Variants in DNM1 observed in about 807,000 individuals in gnomAD.
DNM1 encodes the protein dynamin-1.
DNM1 carries 29 observed loss-of-function variants against 104.6 expected under a neutral mutation model. The ratio of observed to expected loss-of-function variants is 0.28; its 90% confidence interval spans 0.21 to 0.38. DNM1 has a LOEUF of 0.38. Among genes scored for constraint, DNM1 ranks in the 10% least tolerant of loss-of-function variants. The pLI is 1.00. For missense variants in DNM1, 640 were observed against 1,189.4 expected, an observed-to-expected ratio of 0.54 and a Z score of 6.79; for synonymous variants, 445 against 475.8, an observed-to-expected ratio of 0.94 and a Z score of 0.84.
intron 10 of DNM1, among the ~76,000 whole-genome samples, chr9:128,227,375 CTTTTTTTTTTTTTTTT>C: frequency 2.0e-5 from 1 of 50,454 alleles, no homozygotes; most frequent in Non-Finnish European, 3.3e-5. Flanking sequence ...GGTCTCATGC[CTTTTTTTTTTTTTTTT>C]TTTTTTTTTT....
rs191745489 is a variant in DNM1 at position 128,228,350 on chromosome 9, T to A, written c.1335+3961T>A. Among the ~76,000 whole-genome samples the A allele has an allele frequency of 3.7e-3, 569 of 152,194 alleles. 3 individuals carry two copies. Among genetic ancestry groups the A allele is most frequent in the Middle Eastern group, 0.01 (3 of 294 alleles). On this transcript the variant is annotated intron_variant, in intron 10 of 21. Transcript: ENST00000372923. The stretch of plus-strand genomic sequence containing the variant: ...GAGCCACCCCTCCTGGCCTAATAAT[T>A]TTTTTGTTAAGACAGGATCTTACTA...
chr9:128,223,057 G>A (rs1320939069), intron 9 of DNM1, 197 bp downstream of exon 9: 1 of 598,352 alleles, frequency 1.7e-6, no homozygotes, highest in Admixed American at 3.0e-5. Flanking sequence ...CCCGCCTACT[G>A]CAACTTGCTG....
rs570377622 is a variant in DNM1, at chr9:128,247,894, G to T, written c.1894-30G>T. ...GGCTGTGCTCCCTGGTGGTGGCGGC[G>T]GTGGCAATGTTGGTGTGTGGGCCTC... On this transcript the variant is annotated intron_variant, in intron 17 of 21. Coordinates refer to ENST00000372923, the MANE Select transcript of DNM1 (RefSeq NM_004408.4). This position sits in a 1 kb window ranked among gnomAD's most constrained non-coding sequence, Gnocchi z 5.1. 30 of 1,611,750 alleles carry T rather than the reference G, an allele frequency of 1.9e-5. No homozygotes were observed. The East Asian group carries it at 6.0e-4, about 32-fold the overall frequency.
chr9:128,214,393 G>T (rs1391414356), intron 1 of DNM1, among the ~76,000 whole-genome samples: 1 of 152,142 alleles, frequency 6.6e-6, no homozygotes, highest in Non-Finnish European at 1.5e-5. Flanking sequence ...ATTCAATGTG[G>T]GGTCCATCTG....
chr9:128,236,719 G>T (rs978980104), intron 11 of DNM1, among the ~76,000 whole-genome samples: 3 of 152,170 alleles, frequency 2.0e-5, no homozygotes, highest in Non-Finnish European at 2.9e-5. Context: ...AGGTGAGGCG[G>T]CATGCACCTG....
intron 10 of DNM1, among the ~76,000 whole-genome samples, chr9:128,228,382 C>G (rs982745390): frequency 6.6e-6 from 1 of 151,918 alleles, no homozygotes; most frequent in Non-Finnish European, 1.5e-5. Context: ...ACTATGTTGC[C>G]CAGGCTGCTC....
intron 20 of DNM1, 91 bp from the exon 21 acceptor site, chr9:128,250,634 G>A: frequency 2.6e-6 from 3 of 1,170,000 alleles, no homozygotes; most frequent in Non-Finnish European, 3.4e-6. Flanking sequence ...GCGTGCATGG[G>A]CGTGGCCAGC....
rs777070447 is a variant in DNM1 at position 128,253,089 on chromosome 9, GCTGT to G, written c.2535-1562_2535-1559del. On this transcript the variant is annotated intron_variant, in intron 21 of 21. Coordinates refer to ENST00000372923, the MANE Select transcript of DNM1 (RefSeq NM_004408.4). This position sits in a 1 kb window ranked among gnomAD's most constrained non-coding sequence, Gnocchi z 5.9. Reference sequence around the variant, plus strand: ...GTGTGAACTGCCATGTTGATTTCGTGCTGTCTTTCAGAATCACTATCAGTGACCC... The same window carrying G: ...GTGTGAACTGCCATGTTGATTTCGTGCTTTCAGAATCACTATCAGTGACCC... 1 of 1,611,118 alleles carries G rather than the reference GCTGT, an allele frequency of 6.2e-7. No individual in the cohort carries two copies. Among genetic ancestry groups the G allele is most frequent in the Non-Finnish European group, 8.5e-7 (1 of 1,179,950 alleles).
At chr9:128,226,149 C>A (rs1245833990) in intron 10 of DNM1, 2 of 1,612,846 alleles carry the variant, frequency 1.2e-6, no homozygotes, top group Non-Finnish European at 1.7e-6. Context: ...AGCTCACAGC[C>A]ACCATCAGAA....
At chr9:128,211,410 G>A (rs181667269) in intron 1 of DNM1, among the ~76,000 whole-genome samples, 13 of 151,042 alleles carry the variant, frequency 8.6e-5, no homozygotes, top group Middle Eastern at 3.5e-3. Flanking sequence ...AAATAGGGCC[G>A]TGCCCTCTCT....
At position 128,219,176 on chromosome 9, in the gene DNM1, C is replaced by T. The variant is rs1834791318; in HGVS notation, c.513C>T (p.Ile171=). 2 of 1,614,078 alleles carry T rather than the reference C, an allele frequency of 1.2e-6. No individual in the cohort carries two copies. The highest frequency in any genetic ancestry group is 1.7e-5 in the Admixed American group (1 of 60,008). The change falls in exon 4 of 22, where the codon ATC becomes ATT. Residue 171 remains isoleucine (I), a synonymous_variant. Transcript: ENST00000372923. ...MQFVTKENCL[I]LAVSPANSDL... ...TTGTCACCAAGGAGAACTGCCTCAT[C>T]CTGGCCGTGTCCCCCGCCAACTCTG...
Position 128,254,594 on chromosome 9 carries a change from T to C in DNM1, c.2535-60T>C. 5 of 1,594,142 alleles carry C rather than the reference T, an allele frequency of 3.1e-6. No individual in the cohort carries two copies. In the South Asian group the frequency reaches 5.5e-5, roughly 18 times the overall value. On this transcript the variant is annotated intron_variant, in intron 21 of 21. Transcript: ENST00000372923. This position sits in a 1 kb window ranked among gnomAD's most constrained non-coding sequence, Gnocchi z 6.1. ...CCCCGGCCGTGTGCTGCGCTTGCCT[T>C]ACCAGCTCTCTCCTCGCTTTTCTCT...
chr9:128,243,761 A>G lies in DNM1; in HGVS notation c.1671+1416A>G, dbSNP rs897412928. On this transcript the variant is annotated intron_variant, in intron 15 of 21. Transcript: ENST00000372923. The surrounding 1 kb of genome is among the most constrained non-coding windows in gnomAD (Gnocchi z 4.0). ...GGCTGAGGGCCGGAGACCGGGTGAC[A>G]CTGTGGGGGAGGGGCACGTGCCACT... Among the ~76,000 whole-genome samples, 6 of 151,974 alleles carry G rather than the reference A, an allele frequency of 3.9e-5. No homozygotes were observed. Among genetic ancestry groups the G allele is most frequent in the African/African-American group, 1.5e-4 (6 of 41,370 alleles).
At chr9:128,246,190 C>G (rs1185711073) in intron 15 of DNM1, among the ~76,000 whole-genome samples, 2 of 152,146 alleles carry the variant, frequency 1.3e-5, no homozygotes, top group African/African-American at 4.8e-5. Context: ...GGCATATATG[C>G]AGAGCTGGTA....
At chr9:128,214,716 G>A (rs1034314119) in intron 1 of DNM1, among the ~76,000 whole-genome samples, 24 of 152,310 alleles carry the variant, frequency 1.6e-4, no homozygotes, top group Middle Eastern at 6.8e-3. Context: ...CTCTGCAGAT[G>A]GCCAGGCACA....
intron 19 of DNM1, among the ~76,000 whole-genome samples, chr9:128,249,820 A>G (rs1364064555): frequency 3.3e-5 from 5 of 151,674 alleles, no homozygotes; most frequent in African/African-American, 1.2e-4. Context: ...GCGAGACCCT[A>G]TCTCCAGGAA....
At position 128,246,379 on chromosome 9, in the gene DNM1, T is replaced by C. The variant is rs1184633809; in HGVS notation, c.1672-15T>C. On this transcript the variant is annotated splice_polypyrimidine_tract_variant and intron_variant, in intron 15 of 21. Coordinates refer to ENST00000372923, the MANE Select transcript of DNM1 (RefSeq NM_004408.4). ...AGTGCCAACCTCACCCCATTGCTCC[T>C]ACCTGCACCCACAGGAGAAAGAGAA... is the stretch of plus-strand genomic sequence containing the variant. 2.0e-5 allele frequency: 32 copies of C among 1,599,170 alleles called. No individual in the cohort carries two copies. The highest frequency in any genetic ancestry group is 2.7e-5 in the African/African-American group (2 of 74,612).
At position 128,224,582 on chromosome 9, in the gene DNM1, C is replaced by G. The variant is rs1310779766; in HGVS notation, c.1335+193C>G. ...CCTCACCCACCCCTGGCCCCCAGGT[C>G]TGGGGACCCAGGGATTGGACATGGG... is the stretch of plus-strand genomic sequence containing the variant. On this transcript the variant is annotated intron_variant, in intron 10 of 21. Coordinates refer to ENST00000372923, the MANE Select transcript of DNM1 (RefSeq NM_004408.4). The surrounding 1 kb of genome is among the most constrained non-coding windows in gnomAD (Gnocchi z 4.3). Among the ~76,000 whole-genome samples the G allele has an allele frequency of 6.6e-6, 1 of 152,082 alleles. No individual in the cohort carries two copies. The highest frequency in any genetic ancestry group is 2.4e-5 in the African/African-American group (1 of 41,414).
At chr9:128,250,984 G>T (rs1375575495) in intron 21 of DNM1, 44 bp downstream of exon 21, 3 of 1,182,640 alleles carry the variant, frequency 2.5e-6, no homozygotes. Context: ...CCGGACGGGC[G>T]TGGCCGGGAG....
Sources: allele counts gnomAD v4.1 joint callset (sites outside exome capture counted in the v4.1 genomes callset), GRCh38; gene constraint gnomAD v4.1.1; non-coding constraint Gnocchi (gnomAD v3.1); transcripts MANE v1.5; gene names NCBI Gene and HGNC (gene_info 2026-07-23, HGNC 2026-07-21).